The following PCDH9 variants were observed in gnomAD, a reference collection of about 807,000 sequenced individuals.
PCDH9 encodes protocadherin 9.
In PCDH9, 24 loss-of-function variants were observed where a neutral mutation model predicts 70.6. The observed-to-expected ratio is 0.34, with a 90% CI of 0.25 to 0.48. The LOEUF is 0.48. Ranked by LOEUF, PCDH9 falls within the 20% of genes least tolerant of loss-of-function variation. The pLI is 0.99. For synonymous variants in PCDH9, 562 were observed against 558.5 expected, an observed-to-expected ratio of 1.01 and a Z score of -0.09; for missense variants, 1,281 against 1,503.6, an observed-to-expected ratio of 0.85 and a Z score of 2.45.
intron 4 of PCDH9, among the ~76,000 whole-genome samples, chr13:66,380,565 A>T (rs1335634790): frequency 1.6e-5 from 2 of 125,862 alleles, no homozygotes; most frequent in Non-Finnish European, 3.2e-5. Context: ...TTTTTTTGAG[A>T]CAGAGTCTTG....
intron 4 of PCDH9, among the ~76,000 whole-genome samples, chr13:66,479,163 T>C (rs1054896684): frequency 2.6e-5 from 4 of 152,194 alleles, no homozygotes; most frequent in Admixed American, 2.0e-4. Context: ...TTTGAGAGCA[T>C]GGTTTAGTGA....
At chr13:67,039,912 C>T (rs1456117273) in intron 2 of PCDH9, among the ~76,000 whole-genome samples, 1 of 151,966 alleles carries the variant, frequency 6.6e-6, no homozygotes, top group South Asian at 2.1e-4. Context: ...TGTGCTAACT[C>T]CGTGTACTAT....
At chr13:66,890,186 T>A (rs1474964629) in intron 3 of PCDH9, among the ~76,000 whole-genome samples, 1 of 152,144 alleles carries the variant, frequency 6.6e-6, no homozygotes, top group Non-Finnish European at 1.5e-5. Flanking sequence ...AGGGTGATAA[T>A]CTTACTTTTC....
chr13:66,460,056 T>C (rs1387233243), intron 4 of PCDH9, among the ~76,000 whole-genome samples: 1 of 151,936 alleles, frequency 6.6e-6, no homozygotes, highest in East Asian at 1.9e-4. Flanking sequence ...GAAAACTCAG[T>C]AGTGTCATTT....
intron 2 of PCDH9, among the ~76,000 whole-genome samples, chr13:66,972,409 T>A (rs1657884457): frequency 6.6e-6 from 1 of 151,980 alleles, no homozygotes; most frequent in Non-Finnish European, 1.5e-5. Context: ...GTATATTTTC[T>A]GCATACCGCC....
chr13:66,826,968 G>A (rs774242032), intron 3 of PCDH9, among the ~76,000 whole-genome samples: 7 of 152,162 alleles, frequency 4.6e-5, no homozygotes, highest in Non-Finnish European at 7.3e-5. Context: ...TGACAAAAGG[G>A]ACTTTGTAGA....
intron 3 of PCDH9, among the ~76,000 whole-genome samples, chr13:66,840,022 C>G (rs1268399456): frequency 6.6e-6 from 1 of 152,192 alleles, no homozygotes; most frequent in Non-Finnish European, 1.5e-5. Flanking sequence ...ATTTGGGCAT[C>G]TCACTCCACC....
chr13:66,667,732 A>G (rs2078116009), intron 3 of PCDH9, among the ~76,000 whole-genome samples: 1 of 152,158 alleles, frequency 6.6e-6, no homozygotes, highest in South Asian at 2.1e-4. Flanking sequence ...TTTATTCCTG[A>G]CATCTAAAAT....
At chr13:67,191,350 C>A (rs918225846) in intron 2 of PCDH9, among the ~76,000 whole-genome samples, 1 of 151,918 alleles carries the variant, frequency 6.6e-6, no homozygotes, top group African/African-American at 2.4e-5. Flanking sequence ...TTTTGTTGAT[C>A]CCAGGTACTA....
intron 3 of PCDH9, among the ~76,000 whole-genome samples, chr13:66,875,623 CA>C (rs1424001693): frequency 6.6e-6 from 1 of 152,056 alleles, no homozygotes; most frequent in Non-Finnish European, 1.5e-5. Context: ...AAATGTCAAC[CA>C]AGGAAAAATT....
intron 2 of PCDH9, among the ~76,000 whole-genome samples, chr13:67,016,982 T>C (rs2084575837): frequency 6.6e-6 from 1 of 152,164 alleles, no homozygotes; most frequent in Non-Finnish European, 1.5e-5. Flanking sequence ...CTGAGAGCAT[T>C]TCTAGCACTC....
intron 4 of PCDH9, among the ~76,000 whole-genome samples, chr13:66,587,892 C>G (rs2076984487): frequency 6.6e-6 from 1 of 151,628 alleles, no homozygotes; most frequent in Admixed American, 6.6e-5. Context: ...GAATGCTAAA[C>G]AGGTAGAGGA....
At chr13:66,439,809 A>C (rs572242556) in intron 4 of PCDH9, among the ~76,000 whole-genome samples, 1 of 152,146 alleles carries the variant, frequency 6.6e-6, no homozygotes, top group Non-Finnish European at 1.5e-5. Flanking sequence ...TGAGTTGTCC[A>C]TGGTTTCCAT....
At chr13:66,536,083 C>T (rs969338871) in intron 4 of PCDH9, among the ~76,000 whole-genome samples, 8 of 152,194 alleles carry the variant, frequency 5.3e-5, no homozygotes, top group Admixed American at 1.3e-4. Flanking sequence ...TTCCCCACCA[C>T]TTACAGGTTA....
At chr13:66,400,415 C>G (rs902228630) in intron 4 of PCDH9, among the ~76,000 whole-genome samples, 3 of 152,140 alleles carry the variant, frequency 2.0e-5, no homozygotes, top group Non-Finnish European at 4.4e-5. Context: ...TATGTCATAT[C>G]TCTATAATAA....
intron 3 of PCDH9, among the ~76,000 whole-genome samples, chr13:66,766,256 C>T (rs562023284): frequency 9.9e-5 from 15 of 151,922 alleles, no homozygotes; most frequent in Non-Finnish European, 1.9e-4. Flanking sequence ...GTCAGTCTAC[C>T]AGCTCTAGAA....
At chr13:66,402,504 C>A (rs1309890023) in intron 4 of PCDH9, among the ~76,000 whole-genome samples, 1 of 151,766 alleles carries the variant, frequency 6.6e-6, no homozygotes, top group Non-Finnish European at 1.5e-5. Context: ...TATTTATATC[C>A]ATCTTCCTAA....
At chr13:66,630,935 G>C (rs1401997277) in intron 4 of PCDH9, among the ~76,000 whole-genome samples, 1 of 151,886 alleles carries the variant, frequency 6.6e-6, no homozygotes, top group African/African-American at 2.4e-5. Context: ...TCTGACATCA[G>C]AATATCTTGC....
chr13:66,987,338 G>GT (rs1371242639), intron 2 of PCDH9, among the ~76,000 whole-genome samples: 1 of 151,974 alleles, frequency 6.6e-6, no homozygotes, highest in East Asian at 1.9e-4. Context: ...TTCCTTGCCT[G>GT]TTTATAAACA....
Sources: gnomAD v4.1 joint callset for allele counts (sites outside exome capture counted in the v4.1 genomes callset) on GRCh38, gnomAD v4.1.1 for gene constraint, MANE v1.5 for transcripts, NCBI Gene and HGNC (gene_info 2026-07-23, HGNC 2026-07-21) for gene names.